Variants in MYRIP observed in about 807,000 individuals in gnomAD.
MYRIP encodes myosin VIIA and Rab interacting protein, also known as rab effector MyRIP.
Under a neutral mutation model 98.0 loss-of-function variants are expected in MYRIP, and 49 were observed. The ratio of observed to expected loss-of-function variants is 0.50; its 90% CI spans 0.40 to 0.63. The LOEUF (loss-of-function observed/expected upper bound fraction) is 0.63, where lower values mean the gene tolerates loss of function less well. MYRIP is among the 30% of genes least tolerant of loss of function. The pLI is 0.00. For synonymous variants in MYRIP, 404 were observed against 409.5 expected (o/e 0.99, Z 0.16); for missense variants, 1,004 against 1,058.2 (o/e 0.95, Z 0.71).
chr3:39,984,023 C>T (rs978286503), intron 2 of MYRIP, among the ~76,000 whole-genome samples: 2 of 152,012 alleles, frequency 1.3e-5, no homozygotes, highest in African/African-American at 4.8e-5. Context: ...TAAATTATCT[C>T]TTCTTTTAGT....
chr3:39,837,453 C>T (rs1575289445), intron 1 of MYRIP, among the ~76,000 whole-genome samples: 2 of 152,264 alleles, frequency 1.3e-5, no homozygotes, highest in African/African-American at 4.8e-5. Context: ...GTTTTCCTAA[C>T]ACCATTTATT....
intron 16 of MYRIP, among the ~76,000 whole-genome samples, chr3:40,253,331 TCA>T (rs1291615060): frequency 6.6e-6 from 1 of 152,192 alleles, no homozygotes; most frequent in African/African-American, 2.4e-5. Context: ...GGTAGCATAA[TCA>T]CTTGTTCCCT....
intron 1 of MYRIP, among the ~76,000 whole-genome samples, chr3:39,875,135 G>A (rs1341423343): frequency 1.3e-5 from 2 of 152,186 alleles, no homozygotes; most frequent in Admixed American, 6.5e-5. Context: ...GTGTAAAGGT[G>A]TTTGTAGTAT....
At chr3:40,146,714 AATGCACACACACATGC>A (rs1407507256) in intron 3 of MYRIP, among the ~76,000 whole-genome samples, 1 of 151,934 alleles carries the variant, frequency 6.6e-6, no homozygotes, top group Non-Finnish European at 1.5e-5. Flanking sequence ...CACACACACA[AATGCACACACACATGC>A]ATGCACACAC....
intron 9 of MYRIP, among the ~76,000 whole-genome samples, chr3:40,184,971 A>G (rs750644645): frequency 3.9e-5 from 6 of 152,224 alleles, no homozygotes; most frequent in Non-Finnish European, 7.3e-5. Flanking sequence ...TTAGCCCTTG[A>G]CATGCTAAAC....
intron 10 of MYRIP, among the ~76,000 whole-genome samples, chr3:40,194,267 C>A (rs983207109): frequency 2.0e-5 from 3 of 152,062 alleles, no homozygotes; most frequent in African/African-American, 7.2e-5. Flanking sequence ...AAGCTCTAAC[C>A]TTCAAATTAA....
chr3:39,818,154 T>C (rs1381460092), intron 1 of MYRIP, among the ~76,000 whole-genome samples: 1 of 152,226 alleles, frequency 6.6e-6, no homozygotes, highest in African/African-American at 2.4e-5. Context: ...TTCAACTTTG[T>C]AGACATTTTT....
chr3:40,090,059 G>A (rs1329235136), intron 3 of MYRIP, among the ~76,000 whole-genome samples: 1 of 151,488 alleles, frequency 6.6e-6, no homozygotes. Flanking sequence ...ACTGGATGCT[G>A]AAAAACACTT....
intron 1 of MYRIP, among the ~76,000 whole-genome samples, chr3:39,870,730 GT>G (rs1407353506): frequency 1.3e-5 from 2 of 152,070 alleles, no homozygotes; most frequent in Admixed American, 6.5e-5. Context: ...TAGTTAACTT[GT>G]GTTTTTCCAA....
Position 39,863,405 on chromosome 3 carries a change from A to G in MYRIP, c.-30-37382A>G, listed in dbSNP as rs113346687. ...GAATTAATAAAACAGGCCACCACCT[A>G]GACTGATAAAGAAAAAAAGAGAGGA... On this transcript the variant is annotated intron_variant, in intron 1 of 16. Coordinates refer to ENST00000302541, the MANE Select transcript of MYRIP (RefSeq NM_015460.4). Among the ~76,000 whole-genome samples, 11 of 152,238 alleles carry G rather than the reference A, an allele frequency of 7.2e-5. 1 individual carries two copies. Among genetic ancestry groups the G allele is most frequent in the African/African-American group, 2.4e-4 (10 of 41,580 alleles).
intron 2 of MYRIP, among the ~76,000 whole-genome samples, chr3:39,996,947 A>T (rs1248325650): frequency 5.9e-5 from 9 of 152,304 alleles, no homozygotes; most frequent in African/African-American, 2.2e-4. Flanking sequence ...GGTACGTAAC[A>T]AAATGAAGGC....
intron 1 of MYRIP, among the ~76,000 whole-genome samples, chr3:39,883,074 A>G (rs1261781661): frequency 6.6e-6 from 1 of 152,188 alleles, no homozygotes; most frequent in Non-Finnish European, 1.5e-5. Flanking sequence ...AGAATGTGAG[A>G]ACAGCATTTG....
chr3:40,035,967 A>G (rs917241036), intron 2 of MYRIP, among the ~76,000 whole-genome samples: 14 of 152,086 alleles, frequency 9.2e-5, no homozygotes, highest in Non-Finnish European at 1.9e-4. Context: ...CCCAGAATGT[A>G]TCTCAGAAAT....
intron 2 of MYRIP, among the ~76,000 whole-genome samples, chr3:39,977,904 G>A (rs1292043963): frequency 6.6e-6 from 1 of 152,084 alleles, no homozygotes; most frequent in African/African-American, 2.4e-5. Context: ...GTTTGTACAA[G>A]AAATCATTCA....
intron 3 of MYRIP, among the ~76,000 whole-genome samples, chr3:40,143,671 G>A (rs1949954984): frequency 6.6e-6 from 1 of 152,040 alleles, no homozygotes; most frequent in Admixed American, 6.5e-5. Context: ...ATTTTTAATT[G>A]ACAATAATTG....
intron 2 of MYRIP, among the ~76,000 whole-genome samples, chr3:39,957,618 C>T (rs914307391): frequency 6.6e-6 from 1 of 152,104 alleles, no homozygotes; most frequent in Non-Finnish European, 1.5e-5. Flanking sequence ...AAAACTGGCA[C>T]AAGACAGGGA....
intron 2 of MYRIP, among the ~76,000 whole-genome samples, chr3:39,974,619 T>C (rs1398638263): frequency 2.0e-5 from 3 of 152,058 alleles, no homozygotes; most frequent in Non-Finnish European, 4.4e-5. Flanking sequence ...TAGACCAATA[T>C]CCCTGATGAA....
intron 3 of MYRIP, among the ~76,000 whole-genome samples, chr3:40,149,796 C>T (rs1387394748): frequency 6.6e-6 from 1 of 152,212 alleles, no homozygotes; most frequent in Non-Finnish European, 1.5e-5. Flanking sequence ...GCCAAAATCT[C>T]TGATTTTGCT....
chr3:39,903,426 G>C (rs1298428544), intron 2 of MYRIP, among the ~76,000 whole-genome samples: 2 of 152,010 alleles, frequency 1.3e-5, no homozygotes, highest in Non-Finnish European at 2.9e-5. Context: ...TATTTACCTA[G>C]TTTCTCTGGC....
Sources: allele counts gnomAD v4.1 joint callset (sites outside exome capture counted in the v4.1 genomes callset), GRCh38; gene constraint gnomAD v4.1.1; transcripts MANE v1.5; gene names NCBI Gene and HGNC (gene_info 2026-07-23, HGNC 2026-07-21).